The following KIAA1755 variants were observed in gnomAD, a reference collection of about 807,000 sequenced individuals.
KIAA1755 encodes the protein KIAA1755, also known as uncharacterized protein KIAA1755.
A neutral mutation model predicts 91.7 loss-of-function variants in KIAA1755; 68 were observed. The observed-to-expected ratio is 0.74, with a 90% CI of 0.61 to 0.91. The LOEUF (loss-of-function observed/expected upper bound fraction) is 0.91, where lower values mean the gene tolerates loss of function less well. Ranked by LOEUF, KIAA1755 falls within the 40% of genes least tolerant of loss-of-function variation. The probability of loss-of-function intolerance (pLI) is 0.00; values close to 1 mark genes in which losing one functional copy is unlikely to be tolerated. For missense variants in KIAA1755, 1,535 were observed against 1,494.4 expected, an observed-to-expected ratio of 1.03 and a Z score of -0.45; for synonymous variants, 610 against 604.6, an observed-to-expected ratio of 1.01 and a Z score of -0.13.
chr20:38,227,095 C>T, intron 7 of KIAA1755, 59 bp downstream of exon 7: 2 of 1,310,964 alleles, frequency 1.5e-6, no homozygotes, highest in Non-Finnish European at 1.1e-6. Flanking sequence ...TCCTTAACCC[C>T]AGCTCAGCTC....
At chr20:38,254,277 G>A (rs937908505) in intron 1 of KIAA1755, among the ~76,000 whole-genome samples, 1 of 152,110 alleles carries the variant, frequency 6.6e-6, no homozygotes, top group Non-Finnish European at 1.5e-5. Context: ...TCCTTACTTG[G>A]GAAGAGAGGA....
intron 11 of KIAA1755, among the ~76,000 whole-genome samples, chr20:38,218,939 C>T (rs966849611): frequency 6.6e-6 from 1 of 152,086 alleles, no homozygotes; most frequent in Admixed American, 6.6e-5. Flanking sequence ...GGCTCTCAAC[C>T]CCGAGTGGAA....
intron 4 of KIAA1755, among the ~76,000 whole-genome samples, chr20:38,233,011 G>T (rs567517797): frequency 6.6e-6 from 1 of 152,034 alleles, no homozygotes; most frequent in Non-Finnish European, 1.5e-5. Flanking sequence ...AGTCCCAGCT[G>T]CTCAGGAGGC....
Position 38,245,986 on chromosome 20 carries a change from A to G in KIAA1755, c.144T>C (p.Leu48=). 6.2e-7 allele frequency: 1 copy of G among 1,614,088 alleles called. No homozygotes were observed. The highest frequency in any genetic ancestry group is 2.2e-5 in the East Asian group (1 of 44,862). The change falls in exon 2 of 14, where the codon CTT becomes CTC. Residue 48 remains leucine (L), a synonymous_variant. Coordinates refer to ENST00000279024, the MANE Select transcript of KIAA1755 (RefSeq NM_001029864.2). ...SGFQGDGLSF[L]LDFLIPAKRL... is the part of the protein sequence containing the mutation. ...GCTTGGCAGGGATCAGGAAATCCAG[A>G]AGGAAGCTCAGCCCATCCCCCTGGA...
intron 5 of KIAA1755, 53 bp from the exon 6 acceptor site, chr20:38,228,293 G>A (rs558635128): frequency 4.6e-4 from 640 of 1,406,374 alleles, no homozygotes; most frequent in Non-Finnish European, 3.7e-4. Context: ...CGGACAGGGG[G>A]CAGGACCTAG....
At chr20:38,235,659 T>G (rs1398339379) in intron 4 of KIAA1755, among the ~76,000 whole-genome samples, 1 of 152,230 alleles carries the variant, frequency 6.6e-6, no homozygotes, top group Non-Finnish European at 1.5e-5. Flanking sequence ...CAGGAAAGAA[T>G]GCAGCTCTGC....
chr20:38,215,309 G>A (rs2075525364), intron 13 of KIAA1755, among the ~76,000 whole-genome samples: 4 of 152,184 alleles, frequency 2.6e-5, no homozygotes, highest in South Asian at 2.1e-4. Context: ...TGGCACAGAC[G>A]CCACCTCCAC....
chr20:38,255,191 C>T (rs552510167), intron 1 of KIAA1755, among the ~76,000 whole-genome samples: 8 of 151,816 alleles, frequency 5.3e-5, no homozygotes, highest in African/African-American at 1.7e-4. Flanking sequence ...AAAAAAAAAT[C>T]TGTCTCTTCC....
chr20:38,219,199 C>T (rs73283229), intron 11 of KIAA1755, among the ~76,000 whole-genome samples: 37 of 152,260 alleles, frequency 2.4e-4, no homozygotes, highest in African/African-American at 8.7e-4. Context: ...TGGTTCTCGG[C>T]ACCGGCAGTC....
At chr20:38,224,219 A>C (rs2075714285) in intron 8 of KIAA1755, among the ~76,000 whole-genome samples, 1 of 152,170 alleles carries the variant, frequency 6.6e-6, no homozygotes, top group African/African-American at 2.4e-5. Flanking sequence ...AGCCCAGCCC[A>C]TACTGTGTTT....
intron 4 of KIAA1755, chr20:38,236,882 A>G (rs144049029): frequency 6.6e-6 from 1 of 152,118 alleles, no homozygotes; most frequent in Non-Finnish European, 1.5e-5. Context: ...AAGCTGGGCA[A>G]TATTGCAGCG....
In KIAA1755 at chr20:38,223,602, G is replaced by C. The variant is rs753131421; in HGVS notation, c.2204C>G (p.Ala735Gly). The stretch of plus-strand genomic sequence containing the variant: ...GATGGAAGCTTGTAGCAGGGAAGAG[G>C]CCTGGTGGAGGTCAGCAAGGAAAGG... ...LDPFLADLHQASSLLQASIEE... is the reference protein window; with the variant it reads ...LDPFLADLHQGSSLLQASIEE... Residue 735 changes from alanine to glycine, a missense_variant, in exon 9 of 14, where the codon GCC (alanine) becomes GGC (glycine). Physicochemically the swap from Ala to Gly is moderately conservative, Grantham distance 60 (BLOSUM62 0). Coordinates refer to ENST00000279024, the MANE Select transcript of KIAA1755 (RefSeq NM_001029864.2). 3 of 1,605,270 alleles carry C rather than the reference G, an allele frequency of 1.9e-6. No homozygotes were observed. The highest frequency in any genetic ancestry group is 1.1e-5 in the South Asian group (1 of 89,588).
chr20:38,238,638 TTCAATAA>T (rs1344924245), intron 4 of KIAA1755, among the ~76,000 whole-genome samples: 1 of 152,198 alleles, frequency 6.6e-6, no homozygotes, highest in Non-Finnish European at 1.5e-5. Flanking sequence ...TACACTGGGT[TTCAATAA>T]TCTGTTGTGA....
chr20:38,240,790 A>G lies in KIAA1755; in HGVS notation c.1341T>C (p.Asn447=). The G allele has an allele frequency of 2.5e-6, 4 of 1,609,502 alleles. No individual in the cohort carries two copies. Among genetic ancestry groups the G allele is most frequent in the East Asian group, 2.2e-5 (1 of 44,794 alleles). ...AGGGCATGGGCTTGGGAAGTCTCCC[A>G]TTTCTCTCTTTGGTCTTCACCTCTA... is the stretch of plus-strand genomic sequence containing the variant. ...TKIEVKTKER[N]GRLPKPMPCP... Residue 447 remains asparagine (N), a synonymous_variant, in exon 3 of 14, where the codon AAT becomes AAC. Transcript: ENST00000279024.
chr20:38,239,016 G>A (rs949980148), intron 4 of KIAA1755, among the ~76,000 whole-genome samples: 7 of 152,160 alleles, frequency 4.6e-5, no homozygotes, highest in East Asian at 1.9e-4. Flanking sequence ...CATTAATGAC[G>A]GACAGACTGG....
intron 6 of KIAA1755, 31 bp downstream of exon 6, chr20:38,228,116 A>T: frequency 1.3e-6 from 2 of 1,542,476 alleles, no homozygotes. Flanking sequence ...CCCAGGACTT[A>T]CTAGGCTAAG....
At chr20:38,244,588 A>G (rs4340591) in intron 2 of KIAA1755, among the ~76,000 whole-genome samples, 8,082 of 152,264 alleles carry the variant, frequency 0.053, 319 homozygotes, top group African/African-American at 0.11. Flanking sequence ...AGGAGGGTGG[A>G]TGTTAATAAC....
intron 1 of KIAA1755, among the ~76,000 whole-genome samples, chr20:38,257,486 C>A (rs1296359455): frequency 6.7e-6 from 1 of 150,262 alleles, no homozygotes; most frequent in Non-Finnish European, 1.5e-5. Flanking sequence ...GAGGCTGAGG[C>A]ATGAGAATTG....
intron 1 of KIAA1755, among the ~76,000 whole-genome samples, chr20:38,252,573 C>G (rs1047850319): frequency 2.0e-5 from 3 of 152,184 alleles, no homozygotes; most frequent in African/African-American, 7.2e-5. Flanking sequence ...TCCCCTGTTT[C>G]CTGCCGCCCC....
Sources: gnomAD v4.1 joint callset for allele counts (sites outside exome capture counted in the v4.1 genomes callset) on GRCh38, gnomAD v4.1.1 for gene constraint, MANE v1.5 for transcripts, NCBI Gene and HGNC (gene_info 2026-07-23, HGNC 2026-07-21) for gene names.